The following KIAA1549L variants were observed in gnomAD, a reference collection of about 807,000 sequenced individuals.
KIAA1549L encodes KIAA1549 like.
A neutral mutation model predicts 160.7 loss-of-function variants in KIAA1549L; 88 were observed. That is an observed-to-expected ratio of 0.55 (90% CI 0.46 to 0.65). The LOEUF (loss-of-function observed/expected upper bound fraction) is 0.65. Among genes scored for constraint, KIAA1549L ranks in the 30% least tolerant of loss-of-function variants. KIAA1549L has a pLI of 0.00. For missense variants in KIAA1549L, 2,258 were observed against 2,437.5 expected (o/e 0.93, Z 1.55); for synonymous variants, 950 against 976.7 (o/e 0.97, Z 0.51).
chr11:33,499,349 A>T (rs1852891708), intron 1 of KIAA1549L, among the ~76,000 whole-genome samples: 1 of 152,218 alleles, frequency 6.6e-6, no homozygotes. Flanking sequence ...AGACTTGTGT[A>T]CAAACTCTCA....
chr11:33,645,727 T>G lies in KIAA1549L; in HGVS notation c.5451T>G (p.Val1817=). The change falls in exon 17 of 21, where the codon GTT becomes GTG. Residue 1817 remains valine (V), a synonymous_variant. Coordinates refer to ENST00000658780, the MANE Select transcript of KIAA1549L (RefSeq NM_012194.3). ...TAGAGGAAACCAACATTGACAGAGT[T>G]CCTGAGCCCCGGGGCTATTCCAGGT... ...EIIEETNIDR[V]PEPRGYSRSR... is the part of the protein sequence containing the mutation. The G allele has an allele frequency of 1.2e-6, 2 of 1,613,910 alleles. No individual in the cohort carries two copies.
At chr11:33,435,023 G>A (rs1467893667) in intron 1 of KIAA1549L, among the ~76,000 whole-genome samples, 2 of 152,172 alleles carry the variant, frequency 1.3e-5, no homozygotes, top group East Asian at 3.8e-4. Flanking sequence ...AATGATGTTG[G>A]CTCACAATGT....
At chr11:33,435,730 T>C (rs1851338315) in intron 1 of KIAA1549L, among the ~76,000 whole-genome samples, 1 of 133,366 alleles carries the variant, frequency 7.5e-6, no homozygotes, top group Non-Finnish European at 1.6e-5. Flanking sequence ...TTTAGTAGTC[T>C]AGGCCTTCCA....
chr11:33,544,845 C>T lies in KIAA1549L; in HGVS notation c.2852C>T (p.Ala951Val). Residue 951 changes from alanine to valine, a missense_variant, in exon 3 of 21, where the codon GCA becomes GTA. Transcript: ENST00000658780. Reference protein sequence around the residue: ...TLFLRKSSPPALSAALVAKGT... With the variant: ...TLFLRKSSPPVLSAALVAKGT... ...TTTCTGAGGAAATCAAGTCCACCTG[C>T]ACTGTCTGCAGCCCTGGTTGCTAAG... The T allele has an allele frequency of 6.2e-7, 1 of 1,613,588 alleles. No individual in the cohort carries two copies. The highest frequency in any genetic ancestry group is 8.5e-7 in the Non-Finnish European group (1 of 1,179,664).
chr11:33,584,123 C>T (rs1855735269), intron 11 of KIAA1549L, among the ~76,000 whole-genome samples: 1 of 152,242 alleles, frequency 6.6e-6, no homozygotes, highest in Non-Finnish European at 1.5e-5. Flanking sequence ...TGGCAGCCTG[C>T]AGCCCAGAAG....
At chr11:33,624,705 C>T (rs1851049497) in intron 16 of KIAA1549L, among the ~76,000 whole-genome samples, 1 of 151,306 alleles carries the variant, frequency 6.6e-6, no homozygotes, top group Admixed American at 6.6e-5. Flanking sequence ...ACATAGGCTA[C>T]ACCAAGTGGA....
At chr11:33,575,002 A>G (rs761717501) in intron 10 of KIAA1549L, 129 bp downstream of exon 10, 5 of 764,680 alleles carry the variant, frequency 6.5e-6, no homozygotes, top group South Asian at 3.7e-5. Flanking sequence ...AGGTTCTTAA[A>G]TCAATCAGCT....
intron 17 of KIAA1549L, among the ~76,000 whole-genome samples, chr11:33,647,517 T>G (rs1407941053): frequency 6.6e-6 from 1 of 152,182 alleles, no homozygotes; most frequent in Non-Finnish European, 1.5e-5. Context: ...ACCGAGAAGT[T>G]ATAAGTTTTT....
intron 1 of KIAA1549L, among the ~76,000 whole-genome samples, chr11:33,530,916 G>A (rs546512404): frequency 1.8e-4 from 28 of 152,298 alleles, no homozygotes; most frequent in South Asian, 6.2e-4. Context: ...AAGGCAGTGC[G>A]AAGTTGGATG....
At chr11:33,610,787 T>G (rs1383149017) in intron 15 of KIAA1549L, among the ~76,000 whole-genome samples, 1 of 152,206 alleles carries the variant, frequency 6.6e-6, no homozygotes, top group East Asian at 1.9e-4. Context: ...TACCTGAGAC[T>G]GGGTAATTTG....
chr11:33,525,699 G>A (rs1415073572), intron 1 of KIAA1549L, among the ~76,000 whole-genome samples: 2 of 152,098 alleles, frequency 1.3e-5, no homozygotes, highest in East Asian at 3.8e-4. Flanking sequence ...TGCTTTCTTG[G>A]TGGAGAGGCT....
At chr11:33,647,375 CAAAAA>C (rs10578169) in intron 17 of KIAA1549L, among the ~76,000 whole-genome samples, 6,316 of 114,922 alleles carry the variant, frequency 0.055, 175 homozygotes, top group African/African-American at 0.11. Context: ...GACTCTGTCT[CAAAAA>C]AAAAAAAAAA....
In KIAA1549L at chr11:33,543,850, G is replaced by T. The variant is rs373704767; in HGVS notation, c.2287G>T (p.Ala763Ser). 59 of 1,613,922 alleles carry T rather than the reference G, an allele frequency of 3.7e-5. No individual in the cohort carries two copies. The highest frequency in any genetic ancestry group is 4.8e-5 in the Non-Finnish European group (57 of 1,179,908). Residue 763 changes from alanine (A) to serine (S), a missense_variant, in exon 2 of 21, where the codon GCT (alanine) becomes TCT (serine). Physicochemically the swap from Ala to Ser is moderately conservative, Grantham distance 99. Coordinates refer to ENST00000658780, the MANE Select transcript of KIAA1549L (RefSeq NM_012194.3). ...AIKSQDFKDT[A>S]GHSVTAEGFS... ...AAAATCTCAGGATTTCAAAGATACTGCTGGGCATTCAGTGACTGCAGAAGG... is the reference window on the plus strand; with the variant it reads ...AAAATCTCAGGATTTCAAAGATACTTCTGGGCATTCAGTGACTGCAGAAGG...
intron 1 of KIAA1549L, among the ~76,000 whole-genome samples, chr11:33,456,833 C>A (rs1851833471): frequency 6.6e-6 from 1 of 152,204 alleles, no homozygotes; most frequent in East Asian, 1.9e-4. Flanking sequence ...TATCAAAATC[C>A]AATCTAACAC....
At chr11:33,608,144 C>T (rs1254635610) in intron 14 of KIAA1549L, among the ~76,000 whole-genome samples, 1 of 152,180 alleles carries the variant, frequency 6.6e-6, no homozygotes, top group Non-Finnish European at 1.5e-5. Context: ...GTTTGAGCCT[C>T]AGATCTTTTA....
chr11:33,531,107 T>C (rs1373071957), intron 1 of KIAA1549L, among the ~76,000 whole-genome samples: 3 of 152,190 alleles, frequency 2.0e-5, no homozygotes, highest in African/African-American at 7.2e-5. Flanking sequence ...CCATCTTTTC[T>C]AAATTTTCTG....
intron 10 of KIAA1549L, among the ~76,000 whole-genome samples, chr11:33,582,078 A>C (rs531625772): frequency 6.6e-6 from 1 of 152,390 alleles, no homozygotes; most frequent in East Asian, 1.9e-4. Context: ...CAGAATACTC[A>C]CATATAAATA....
intron 1 of KIAA1549L, among the ~76,000 whole-genome samples, chr11:33,469,512 G>A (rs1456425314): frequency 1.3e-5 from 2 of 152,138 alleles, no homozygotes; most frequent in Non-Finnish European, 2.9e-5. Flanking sequence ...GTGGACATAC[G>A]TTTTTGGTTC....
intron 19 of KIAA1549L, 118 bp from the exon 20 acceptor site, chr11:33,660,745 A>G: frequency 1.1e-6 from 1 of 933,862 alleles, no homozygotes; most frequent in South Asian, 1.7e-5. Flanking sequence ...ATTTAATGAG[A>G]CTTCAAATCC....
Sources: gnomAD v4.1 joint callset for allele counts (sites outside exome capture counted in the v4.1 genomes callset) on GRCh38, gnomAD v4.1.1 for gene constraint, MANE v1.5 for transcripts, NCBI Gene and HGNC (gene_info 2026-07-23, HGNC 2026-07-21) for gene names.